The following ST6GALNAC5 variants were observed in gnomAD, a reference collection of about 807,000 sequenced individuals.
ST6GALNAC5 encodes ST6 N-acetylgalactosaminide alpha-2,6-sialyltransferase 5.
Under a neutral mutation model 33.6 loss-of-function variants are expected in ST6GALNAC5, and 27 were observed. The ratio of observed to expected loss-of-function variants is 0.80; its 90% CI spans 0.59 to 1.11. ST6GALNAC5 has a LOEUF of 1.11. ST6GALNAC5 is among the 50% of genes least tolerant of loss of function. The pLI, the probability that ST6GALNAC5 is intolerant of heterozygous loss-of-function variation, is 0.00. For missense variants in ST6GALNAC5, 428 were observed against 454.0 expected (o/e 0.94, Z 0.52); for synonymous variants, 194 against 171.2 (o/e 1.13, Z -1.04).
At chr1:77,005,687 A>G (rs1570086369) in intron 2 of ST6GALNAC5, among the ~76,000 whole-genome samples, 1 of 152,216 alleles carries the variant, frequency 6.6e-6, no homozygotes, top group Non-Finnish European at 1.5e-5. Context: ...CTCCACACTC[A>G]TTAAACAGTA....
chr1:76,867,754 A>G, intron 1 of ST6GALNAC5, 64 bp downstream of exon 1: 2 of 1,611,006 alleles, frequency 1.2e-6, no homozygotes, highest in South Asian at 1.1e-5. Context: ...GGTCCACGGG[A>G]CGCACCGTGG....
chr1:76,932,814 A>G (rs1647158305), intron 2 of ST6GALNAC5, among the ~76,000 whole-genome samples: 1 of 152,108 alleles, frequency 6.6e-6, no homozygotes. Context: ...AGTTAGAGGA[A>G]GAAAAAATTA....
intron 2 of ST6GALNAC5, among the ~76,000 whole-genome samples, chr1:77,006,458 C>T (rs1220392214): frequency 1.4e-4 from 21 of 151,018 alleles, no homozygotes; most frequent in Admixed American, 2.6e-4. Flanking sequence ...AGATTACAGG[C>T]GCCAGCCACC....
At chr1:77,026,817 G>A (rs574060724) in intron 2 of ST6GALNAC5, among the ~76,000 whole-genome samples, 2 of 152,198 alleles carry the variant, frequency 1.3e-5, no homozygotes, top group South Asian at 4.2e-4. Flanking sequence ...ATGAATGAAT[G>A]AATGAATGAA....
intron 2 of ST6GALNAC5, among the ~76,000 whole-genome samples, chr1:76,941,647 G>C (rs1300019010): frequency 1.3e-5 from 2 of 152,106 alleles, no homozygotes; most frequent in African/African-American, 4.8e-5. Context: ...CATGGATACA[G>C]AGAAGAGGAG....
At chr1:76,912,200 A>G (rs905088183) in intron 2 of ST6GALNAC5, among the ~76,000 whole-genome samples, 21 of 152,044 alleles carry the variant, frequency 1.4e-4, no homozygotes, top group African/African-American at 4.8e-4. Context: ...GTCATTCAGG[A>G]GCAGGTTGTT....
chr1:76,925,685 T>C (rs1433673067), intron 2 of ST6GALNAC5, among the ~76,000 whole-genome samples: 4 of 152,078 alleles, frequency 2.6e-5, no homozygotes, highest in Non-Finnish European at 5.9e-5. Context: ...AATATATATA[T>C]ATACAAATAA....
chr1:76,893,493 G>A (rs185750630), intron 2 of ST6GALNAC5, among the ~76,000 whole-genome samples: 33 of 152,216 alleles, frequency 2.2e-4, no homozygotes, highest in South Asian at 8.3e-4. Flanking sequence ...TCTTCAATCC[G>A]CTGTATAATG....
chr1:76,988,099 G>T (rs1209906502), intron 2 of ST6GALNAC5, among the ~76,000 whole-genome samples: 1 of 151,978 alleles, frequency 6.6e-6, no homozygotes, highest in Non-Finnish European at 1.5e-5. Context: ...TTGACAGATT[G>T]GGTTAATTTG....
rs541577243 is a variant in ST6GALNAC5, at chr1:77,030,199, A to T, written c.262-14005A>T. On this transcript the variant is annotated intron_variant, in intron 2 of 4. Transcript: ENST00000477717. ...TAGGTTTTCTTTTTTCTTCTTTAAGACTCCCCAATCCTCTTTTCTTTCCAG... is the reference window on the plus strand; with the variant it reads ...TAGGTTTTCTTTTTTCTTCTTTAAGTCTCCCCAATCCTCTTTTCTTTCCAG... Among the ~76,000 whole-genome samples the T allele has an allele frequency of 1.7e-4, 26 of 151,494 alleles. No homozygotes were observed. The Middle Eastern group carries it at 0.01, about 59-fold the overall frequency.
At chr1:76,923,239 T>C (rs779868574) in intron 2 of ST6GALNAC5, among the ~76,000 whole-genome samples, 29 of 149,476 alleles carry the variant, frequency 1.9e-4, no homozygotes, top group Non-Finnish European at 3.7e-4. Context: ...GTCTAATTAT[T>C]GCAAAAAAAA....
chr1:76,929,621 T>C (rs554088413), intron 2 of ST6GALNAC5, among the ~76,000 whole-genome samples: 10 of 152,132 alleles, frequency 6.6e-5, no homozygotes, highest in Non-Finnish European at 1.5e-4. Context: ...AGCTATCCTG[T>C]GCATTACGAT....
intron 2 of ST6GALNAC5, among the ~76,000 whole-genome samples, chr1:76,977,131 T>C (rs1649042480): frequency 6.6e-6 from 1 of 152,190 alleles, no homozygotes; most frequent in Non-Finnish European, 1.5e-5. Flanking sequence ...TCCTGAAAGA[T>C]ATTTAATACA....
chr1:76,990,585 GA>G (rs1649684900), intron 2 of ST6GALNAC5, among the ~76,000 whole-genome samples: 2 of 152,138 alleles, frequency 1.3e-5, no homozygotes, highest in Admixed American at 6.5e-5. Context: ...GGCTATGAAA[GA>G]AGGCAGCCTG....
intron 2 of ST6GALNAC5, among the ~76,000 whole-genome samples, chr1:76,965,663 T>C (rs1276071923): frequency 6.6e-6 from 1 of 152,262 alleles, no homozygotes; most frequent in Non-Finnish European, 1.5e-5. Context: ...TTTGATGTTT[T>C]AGTCATGAAG....
intron 2 of ST6GALNAC5, among the ~76,000 whole-genome samples, chr1:76,945,643 G>A (rs986522309): frequency 1.8e-4 from 28 of 152,078 alleles, no homozygotes; most frequent in African/African-American, 6.5e-4. Context: ...TGATAATCCT[G>A]TGCTTTACTT....
At chr1:76,966,019 A>G (rs2100356958) in intron 2 of ST6GALNAC5, among the ~76,000 whole-genome samples, 1 of 152,178 alleles carries the variant, frequency 6.6e-6, no homozygotes, top group East Asian at 1.9e-4. Flanking sequence ...GCCTTGTAGT[A>G]GAGTTTGAAG....
At chr1:77,040,153 G>A (rs925172824) in intron 2 of ST6GALNAC5, among the ~76,000 whole-genome samples, 1 of 152,150 alleles carries the variant, frequency 6.6e-6, no homozygotes, top group Non-Finnish European at 1.5e-5. Context: ...TGCCTCCTAA[G>A]ATATCATCAG....
At chr1:76,992,271 C>T (rs1481021947) in intron 2 of ST6GALNAC5, among the ~76,000 whole-genome samples, 1 of 152,096 alleles carries the variant, frequency 6.6e-6, no homozygotes, top group East Asian at 1.9e-4. Flanking sequence ...CACTGCCAGC[C>T]CTGCTTCATC....
Sources: allele counts gnomAD v4.1 joint callset (sites outside exome capture counted in the v4.1 genomes callset), GRCh38; gene constraint gnomAD v4.1.1; transcripts MANE v1.5; gene names NCBI Gene and HGNC (gene_info 2026-07-23, HGNC 2026-07-21).